The following TRPM4 variants were observed in gnomAD, a reference collection of about 807,000 sequenced individuals.
TRPM4 encodes calcium-activated non-selective cation channel 1.
TRPM4 carries 124 observed loss-of-function variants against 135.6 expected under a neutral mutation model. The observed-to-expected ratio is 0.91, with a 90% CI of 0.79 to 1.06. The LOEUF (loss-of-function observed/expected upper bound fraction) is 1.06. Ranked by LOEUF, TRPM4 falls within the 50% of genes least tolerant of loss-of-function variation. TRPM4 has a pLI of 0.00. For missense variants in TRPM4, 1,658 were observed against 1,671.4 expected (o/e 0.99, Z 0.14); for synonymous variants, 745 against 705.6 (o/e 1.06, Z -0.88).
chr19:49,202,199 T>G (rs1600520745), intron 20 of TRPM4, 58 bp downstream of exon 20: 2 of 1,584,968 alleles, frequency 1.3e-6, no homozygotes, highest in East Asian at 4.5e-5. Flanking sequence ...GGCCCTCTCA[T>G]GACTCTTGAA....
intron 9 of TRPM4, among the ~76,000 whole-genome samples, chr19:49,175,013 C>G (rs1967621900): frequency 6.7e-6 from 1 of 149,640 alleles, no homozygotes; most frequent in Non-Finnish European, 1.5e-5. Flanking sequence ...AAGAGATCCT[C>G]TCACCTCAGC....
In TRPM4 at chr19:49,183,187, A is replaced by T; in HGVS notation, c.1718A>T (p.Gln573Leu). The T allele has an allele frequency of 1.9e-6, 3 of 1,614,156 alleles. No homozygotes were observed. Among genetic ancestry groups the T allele is most frequent in the Non-Finnish European group, 2.5e-6 (3 of 1,180,026 alleles). The part of the protein sequence containing the change: ...LLWALLLNRA[Q>L]MAMYFWEMGS... ...TGGGCACTGTTGCTGAACAGGGCACAGATGGCCATGTACTTCTGGGAGATG... is the reference window on the plus strand; with the variant it reads ...TGGGCACTGTTGCTGAACAGGGCACTGATGGCCATGTACTTCTGGGAGATG... The change falls in exon 12 of 25, where the codon CAG (glutamine) becomes CTG (leucine). Residue 573 changes from glutamine (Q) to leucine (L), a missense_variant. By Grantham distance (113) the Gln-to-Leu change is moderately radical. Coordinates refer to ENST00000252826, the MANE Select transcript of TRPM4 (RefSeq NM_017636.4).
Position 49,200,764 on chromosome 19 carries a change from A to T in TRPM4, c.2932A>T (p.Ile978Phe). Residue 978 changes from isoleucine (I) to phenylalanine (F), a missense_variant, in exon 19 of 25, where the codon ATT becomes TTT. By Grantham distance (21) the Ile-to-Phe change is conservative. Around this residue, in one of 3 missense-constraint regions of TRPM4, gnomAD observed 1,412 missense variants for 1,408.7 expected, o/e 1.00. Transcript: ENST00000252826. The part of the protein sequence containing the change: ...YRPYLQIFGQ[I>F]PQEDMDVALM... ...TCCCTACCTGCAGATCTTCGGGCAG[A>T]TTCCCCAGGAGGACATGGACGGTAG... 1.9e-6 allele frequency: 3 copies of T among 1,614,058 alleles called. No individual in the cohort carries two copies. The highest frequency in any genetic ancestry group is 2.5e-6 in the Non-Finnish European group (3 of 1,180,020).
At chr19:49,161,191 C>T (rs747929987) in intron 2 of TRPM4, among the ~76,000 whole-genome samples, 4 of 151,930 alleles carry the variant, frequency 2.6e-5, no homozygotes, top group Non-Finnish European at 5.9e-5. Flanking sequence ...GTAGGTAAGA[C>T]GTCACAGGGA....
At position 49,200,526 on chromosome 19, in the gene TRPM4, G is replaced by A. The variant is rs995111836; in HGVS notation, c.2779-85G>A. On this transcript the variant is annotated intron_variant, in intron 18 of 24. Coordinates refer to ENST00000252826, the MANE Select transcript of TRPM4 (RefSeq NM_017636.4). ...CCGTGGAGAAGGGGCGTGACTTTGG[G>A]GAGCAATGGGGCGTGTTTTTGGGAT... 7.5e-6 allele frequency: 12 copies of A among 1,594,952 alleles called. No homozygotes were observed. In the African/African-American group the frequency reaches 1.6e-4, roughly 21 times the overall value.
intron 17 of TRPM4, among the ~76,000 whole-genome samples, chr19:49,197,296 CTCTTTCTTTCTTTTTCTTTCTT>C (rs1317104387): frequency 1.9e-4 from 24 of 124,700 alleles, no homozygotes; most frequent in South Asian, 7.9e-4. Flanking sequence ...TTCTTTCTTT[CTCTTTCTTTCTTTTTCTTTCTT>C]TCTTTCTTTC....
In TRPM4 at chr19:49,210,073, T is replaced by C. The variant is rs1969289668; in HGVS notation, c.3132-136T>C. ...TCTAACCTGACTTCTAATCGCATCC[T>C]GTAACCTCTGACTTTAGTGATCTTG... On this transcript the variant is annotated intron_variant, in intron 20 of 24. Transcript: ENST00000252826. This position sits in a 1 kb window ranked among gnomAD's most constrained non-coding sequence, Gnocchi z 4.1. The C allele has an allele frequency of 2.0e-6, 2 of 1,000,506 alleles. No individual in the cohort carries two copies. Among genetic ancestry groups the C allele is most frequent in the Non-Finnish European group, 3.2e-6 (2 of 631,704 alleles). The allele number at this position is 1,000,506 out of a possible 1,614,324, so 62.0% of individuals were successfully genotyped here.
At chr19:49,182,216 T>TCATC (rs530965721) in intron 10 of TRPM4, among the ~76,000 whole-genome samples, 3 of 97,184 alleles carry the variant, frequency 3.1e-5, no homozygotes, top group Admixed American at 9.7e-5. Context: ...ACCTATCCAT[T>TCATC]CATCCATCCA....
At chr19:49,167,543 G>C (rs1967260046) in intron 3 of TRPM4, 1 of 301,434 alleles carries the variant, frequency 3.3e-6, no homozygotes, top group Admixed American at 4.6e-5. Context: ...CCGTCTCTCT[G>C]GGTCTCTGTC....
rs370955929 is a variant in TRPM4 at position 49,188,953 on chromosome 19, T to C, written c.1881T>C (p.Phe627=). Residue 627 remains phenylalanine (F), a synonymous_variant, in exon 14 of 25, where the codon TTT becomes TTC. Coordinates refer to ENST00000252826, the MANE Select transcript of TRPM4 (RefSeq NM_017636.4). ...CTAACTCCTCTGCCCCAGACCTCTT[T>C]GGCGAGTGCTATCGCAGCAGTGAGG... The part of the protein sequence containing the change: ...FKFEGMGVDL[F]GECYRSSEVR... The C allele has an allele frequency of 5.0e-5, 81 of 1,614,016 alleles. No homozygotes were observed. Among genetic ancestry groups the C allele is most frequent in the Non-Finnish European group, 6.9e-5 (81 of 1,180,042 alleles).
rs1967311947 is a variant in TRPM4, at chr19:49,168,333, G to A, written c.522G>A (p.Gln174=). Residue 174 remains glutamine (Q), a synonymous_variant, in exon 5 of 25, where the codon CAG becomes CAA. Coordinates refer to ENST00000252826, the MANE Select transcript of TRPM4 (RefSeq NM_017636.4). ...TTGGTGTGGCTGTACGGGACCATCAGATGGCCAGCACTGGGGGCACCAAGG... is the reference window on the plus strand; with the variant it reads ...TTGGTGTGGCTGTACGGGACCATCAAATGGCCAGCACTGGGGGCACCAAGG... ...RHVGVAVRDH[Q]MASTGGTKVV... The A allele has an allele frequency of 6.2e-7, 1 of 1,614,158 alleles. No individual in the cohort carries two copies. The highest frequency in any genetic ancestry group is 1.1e-5 in the South Asian group (1 of 91,090).
At chr19:49,168,199 T>C in intron 4 of TRPM4, 61 bp from the exon 5 acceptor site, 3 of 1,609,706 alleles carry the variant, frequency 1.9e-6, no homozygotes, top group Non-Finnish European at 2.5e-6. Context: ...TGTGTGTGTG[T>C]CTCTGTCTTA....
At chr19:49,200,807 C>T (rs1334740454) in intron 19 of TRPM4, 22 bp downstream of exon 19, 1 of 1,612,790 alleles carries the variant, frequency 6.2e-7, no homozygotes, top group African/African-American at 1.3e-5. Flanking sequence ...GACGGCCTGA[C>T]AGCCTTCCTC....
intron 20 of TRPM4, among the ~76,000 whole-genome samples, chr19:49,206,027 C>A (rs868689592): frequency 1.3e-5 from 2 of 152,184 alleles, no homozygotes; most frequent in Admixed American, 6.5e-5. Flanking sequence ...GTGGCACGAT[C>A]TCTGCTCACT....
chr19:49,185,623 G>A (rs1255707146), intron 12 of TRPM4, among the ~76,000 whole-genome samples: 1 of 152,076 alleles, frequency 6.6e-6, no homozygotes, highest in East Asian at 1.9e-4. Context: ...TTGAAAAGTG[G>A]AACATTTTGA....
At chr19:49,182,446 AT>A (rs1461811960) in intron 10 of TRPM4, 131 bp from the exon 11 acceptor site, 99 of 730,174 alleles carry the variant, frequency 1.4e-4, no homozygotes, top group Non-Finnish European at 1.9e-4. Context: ...TCATCCATCC[AT>A]CCACCCATCC....
At chr19:49,178,503 G>T (rs967288740) in intron 9 of TRPM4, among the ~76,000 whole-genome samples, 2 of 152,048 alleles carry the variant, frequency 1.3e-5, no homozygotes, top group African/African-American at 4.8e-5. Flanking sequence ...CTTGGGGGCT[G>T]ATGGCCTGTG....
Position 49,172,093 on chromosome 19 carries a change from A to G in TRPM4, c.1135A>G (p.Lys379Glu). ...TGAGGAATTCGAGACCATAGTTTTG[A>G]AGGCCCTTGTGAAGGGTAAAAGTTG... The part of the protein sequence containing the change: ...GSEEFETIVL[K>E]ALVKACGSSE... Residue 379 changes from lysine to glutamate, a missense_variant, in exon 9 of 25, where the codon AAG becomes GAG. Coordinates refer to ENST00000252826, the MANE Select transcript of TRPM4 (RefSeq NM_017636.4). 1 of 1,613,644 alleles carries G rather than the reference A, an allele frequency of 6.2e-7. No individual in the cohort carries two copies. Among genetic ancestry groups the G allele is most frequent in the Non-Finnish European group, 8.5e-7 (1 of 1,179,702 alleles).
chr19:49,176,655 C>T (rs1052075269), intron 9 of TRPM4, among the ~76,000 whole-genome samples: 12 of 152,142 alleles, frequency 7.9e-5, no homozygotes, highest in Non-Finnish European at 1.5e-4. Flanking sequence ...AGTTCGAGAT[C>T]AGCCTGGCCA....
Sources: gnomAD v4.1 joint callset for allele counts (sites outside exome capture counted in the v4.1 genomes callset) on GRCh38, gnomAD v4.1.1 for gene constraint, gnomAD v4.1.1 regional missense constraint, Gnocchi (gnomAD v3.1) non-coding constraint, MANE v1.5 for transcripts, NCBI Gene and HGNC (gene_info 2026-07-23, HGNC 2026-07-21) for gene names.